The following ELAC2 variants were observed in gnomAD, a reference collection of about 807,000 sequenced individuals.
ELAC2 encodes zinc phosphodiesterase ELAC protein 2.
Under a neutral mutation model 105.2 loss-of-function variants are expected in ELAC2, and 92 were observed. The ratio of observed to expected loss-of-function variants is 0.87; its 90% CI spans 0.74 to 1.04. The LOEUF is 1.04. ELAC2 is among the 50% of genes least tolerant of loss of function. The pLI, the probability that ELAC2 is intolerant of heterozygous loss-of-function variation, is 0.00. For synonymous variants in ELAC2, 468 were observed against 409.1 expected (o/e 1.14, Z -1.74); for missense variants, 1,099 against 1,071.7 (o/e 1.03, Z -0.36).
Position 13,000,260 on chromosome 17 carries a change from G to A in ELAC2, c.1319C>T (p.Thr440Ile), listed in dbSNP as rs373125478. 1.7e-5 allele frequency: 27 copies of A among 1,613,956 alleles called. No homozygotes were observed. In the African/African-American group the frequency reaches 3.1e-4, roughly 18 times the overall value. The change falls in exon 15 of 24, where the codon ACT becomes ATT. Residue 440 changes from threonine (T) to isoleucine (I), a missense_variant. Coordinates refer to ENST00000338034, the MANE Select transcript of ELAC2 (RefSeq NM_018127.7). ...AACTATGAATTCCTCAGGATTGCAA[G>A]TAATAATGGCATCCCTGCAGGAAGA... is the stretch of plus-strand genomic sequence containing the variant. ...RREWQRDAII[T>I]CNPEEFIVEA...
intron 22 of ELAC2, among the ~76,000 whole-genome samples, chr17:12,994,204 C>T (rs898615996): frequency 2.0e-5 from 3 of 152,156 alleles, no homozygotes; most frequent in Non-Finnish European, 4.4e-5. Flanking sequence ...TTTCTAGATG[C>T]TTTCAAAAAA....
intron 8 of ELAC2, among the ~76,000 whole-genome samples, chr17:13,008,225 A>G (rs566733127): frequency 1.3e-5 from 2 of 151,332 alleles, no homozygotes; most frequent in South Asian, 2.1e-4. Context: ...ACAAAGAAAC[A>G]TAAAGGCTGG....
chr17:12,996,509 C>T (rs547023684), intron 17 of ELAC2, 38 bp downstream of exon 17: 1 of 1,613,054 alleles, frequency 6.2e-7, no homozygotes, highest in South Asian at 1.1e-5. Flanking sequence ...GCAGTGCCTC[C>T]TCCAGGCTCC....
intron 11 of ELAC2, chr17:13,003,858 C>G: frequency 2.3e-6 from 1 of 444,354 alleles, no homozygotes; most frequent in Non-Finnish European, 4.2e-6. Context: ...CCTACCCTCT[C>G]CACTCATACG....
chr17:13,002,135 G>T, intron 14 of ELAC2, 139 bp downstream of exon 14: 1 of 913,366 alleles, frequency 1.1e-6, no homozygotes, highest in Non-Finnish European at 1.7e-6. Flanking sequence ...TGTTTCTTTT[G>T]TGCTCAAAGC....
intron 14 of ELAC2, among the ~76,000 whole-genome samples, chr17:13,001,567 C>G (rs1054889319): frequency 6.6e-6 from 1 of 152,098 alleles, no homozygotes; most frequent in East Asian, 1.9e-4. Context: ...AGGCTGTTCA[C>G]TTTCCTGGTT....
intron 23 of ELAC2, 25 bp downstream of exon 23, chr17:12,993,662 T>A: frequency 6.2e-7 from 1 of 1,614,016 alleles, no homozygotes; most frequent in Non-Finnish European, 8.5e-7. Flanking sequence ...GTCCCCGCCC[T>A]GTGCTGTCCG....
In ELAC2 at chr17:12,992,152, T is replaced by TA. The variant is rs1567735946; in HGVS notation, c.*665dup. Among the ~76,000 whole-genome samples the TA allele has an allele frequency of 6.6e-6, 1 of 150,962 alleles. No individual in the cohort carries two copies. The highest frequency in any genetic ancestry group is 1.5e-5 in the Non-Finnish European group (1 of 67,580). ...TTTGATTGATTGATTGATTGATTGA[T>TA]AGAGAAAGCACGCCCTGCTGTGAGC... On this transcript the variant is annotated 3_prime_UTR_variant, in exon 24 of 24. Coordinates refer to ENST00000338034, the MANE Select transcript of ELAC2 (RefSeq NM_018127.7).
Position 13,010,637 on chromosome 17 carries a change from G to A in ELAC2, c.714C>T (p.Ser238=). The part of the protein sequence containing the change: ...VSQRRGVRDS[S]LVVAFICKLH... ...CCTTACAGATGAAAGCTACGACCAGGGAAGAGTCCCTGACCCCTCTTCTCT... is the reference window on the plus strand; with the variant it reads ...CCTTACAGATGAAAGCTACGACCAGAGAAGAGTCCCTGACCCCTCTTCTCT... The change falls in exon 8 of 24, where the codon TCC becomes TCT. Residue 238 remains serine (S), a synonymous_variant. Transcript: ENST00000338034. 6.2e-7 allele frequency: 1 copy of A among 1,614,082 alleles called. No homozygotes were observed. Among genetic ancestry groups the A allele is most frequent in the South Asian group, 1.1e-5 (1 of 91,084 alleles).
chr17:13,013,164 G>A, intron 6 of ELAC2, 43 bp downstream of exon 6: 1 of 1,605,374 alleles, frequency 6.2e-7, no homozygotes, highest in Non-Finnish European at 8.5e-7. Flanking sequence ...TCTTTACTCA[G>A]GACGTACACC....
At position 12,995,677 on chromosome 17, in the gene ELAC2, C is replaced by G. The variant is rs2286338; in HGVS notation, c.1808+26G>C. 0.65 allele frequency: 1,027,533 copies of G among 1,590,054 alleles called. 333,305 individuals carry two copies. Among genetic ancestry groups the G allele is most frequent in the Non-Finnish European group, 0.66 (770,113 of 1,168,242 alleles). On this transcript the variant is annotated intron_variant, in intron 19 of 23. Transcript: ENST00000338034. ...GAGACGGCAGCAAGCAACAGCCCAG[C>G]GGGCCAGGCTGCCCTGGATGCTCAC...
intron 5 of ELAC2, 124 bp from the exon 6 acceptor site, chr17:13,013,399 A>G: frequency 9.9e-7 from 1 of 1,011,024 alleles, no homozygotes. Context: ...ATCTGACACG[A>G]AAACCAGACT....
At chr17:13,011,921 A>C in intron 6 of ELAC2, 139 bp from the exon 7 acceptor site, 1 of 1,357,470 alleles carries the variant, frequency 7.4e-7, no homozygotes, top group South Asian at 1.2e-5. Flanking sequence ...ATAACTAGTT[A>C]GTTAACTTCC....
chr17:13,007,934 T>C (rs370582507), intron 8 of ELAC2, among the ~76,000 whole-genome samples: 1 of 148,996 alleles, frequency 6.7e-6, no homozygotes, highest in African/African-American at 2.5e-5. Context: ...GGCATGGTGG[T>C]TCACTCCTGT....
chr17:12,995,639 T>C, intron 19 of ELAC2, 64 bp downstream of exon 19: 1 of 1,495,828 alleles, frequency 6.7e-7, no homozygotes, highest in Non-Finnish European at 9.1e-7. Flanking sequence ...GTGTCCACCT[T>C]GAGCTTCTGA....
At chr17:12,995,214 A>G in intron 19 of ELAC2, 152 bp from the exon 20 acceptor site, 1 of 885,560 alleles carries the variant, frequency 1.1e-6, no homozygotes, top group South Asian at 1.5e-5. Flanking sequence ...CAGCAGTCAA[A>G]TATAAAGAGC....
rs1598190687 is a variant in ELAC2, at chr17:12,993,197, A to G, written c.2254-152T>C. On this transcript the variant is annotated intron_variant, in intron 23 of 23. Coordinates refer to ENST00000338034, the MANE Select transcript of ELAC2 (RefSeq NM_018127.7). ...GGCCACAGCTGAAATGGAAAAAAGA[A>G]TGGCATGGAGGGAACCCTCTAAAGG... The G allele has an allele frequency of 7.8e-6, 7 of 899,076 alleles. No individual in the cohort carries two copies. The East Asian group carries it at 1.6e-4, about 20-fold the overall frequency. 55.7% of individuals were successfully genotyped at this position (899,076 alleles called of 1,614,324 possible).
chr17:12,995,512 A>C (rs576240617), intron 19 of ELAC2, among the ~76,000 whole-genome samples, 191 bp downstream of exon 19: 1 of 152,388 alleles, frequency 6.6e-6, no homozygotes, highest in African/African-American at 2.4e-5. Flanking sequence ...GAAAATAAGC[A>C]TTACATGGGA....
At chr17:13,017,676 G>C in intron 1 of ELAC2, 27 bp downstream of exon 1, 2 of 1,613,298 alleles carry the variant, frequency 1.2e-6, no homozygotes, top group South Asian at 2.2e-5. Flanking sequence ...AGGGCCCAGC[G>C]GGACGGGGCG....
Sources: gnomAD v4.1 joint callset for allele counts (sites outside exome capture counted in the v4.1 genomes callset) on GRCh38, gnomAD v4.1.1 for gene constraint, MANE v1.5 for transcripts, NCBI Gene and HGNC (gene_info 2026-07-23, HGNC 2026-07-21) for gene names.